Variants in TMC1 observed in about 807,000 individuals in gnomAD.
TMC1 encodes transmembrane channel-like protein 1.
A neutral mutation model predicts 105.8 loss-of-function variants in TMC1; 84 were observed. That is an observed-to-expected ratio of 0.79 (90% CI 0.67 to 0.95). The LOEUF is 0.95. Ranked by LOEUF, TMC1 falls within the 40% of genes least tolerant of loss-of-function variation. The pLI is 0.00. For synonymous variants in TMC1, 315 were observed against 311.5 expected (o/e 1.01, Z -0.12); for missense variants, 817 against 914.1 (o/e 0.89, Z 1.37).
At chr9:72,741,784 C>T (rs540250309) in intron 9 of TMC1, among the ~76,000 whole-genome samples, 1 of 152,330 alleles carries the variant, frequency 6.6e-6, no homozygotes, top group African/African-American at 2.4e-5. Flanking sequence ...TCTCATTCTT[C>T]CTGGTGGTCC....
intron 2 of TMC1, among the ~76,000 whole-genome samples, chr9:72,597,846 G>A (rs1403743598): frequency 1.3e-5 from 2 of 152,116 alleles, no homozygotes; most frequent in Non-Finnish European, 2.9e-5. Flanking sequence ...CCTGGCTCCT[G>A]CTTTCAGCTT....
intron 8 of TMC1, among the ~76,000 whole-genome samples, chr9:72,714,809 G>A (rs1398161198): frequency 1.3e-5 from 2 of 152,202 alleles, no homozygotes; most frequent in East Asian, 1.9e-4. Flanking sequence ...CTGCCATTAT[G>A]ATGCTGGATG....
intron 1 of TMC1, among the ~76,000 whole-genome samples, chr9:72,558,288 C>T (rs769063976): frequency 1.3e-5 from 2 of 152,148 alleles, no homozygotes; most frequent in Non-Finnish European, 2.9e-5. Flanking sequence ...CTTACTTTAC[C>T]TCAGCCCAAC....
At chr9:72,826,571 C>G (rs1828959742) in intron 20 of TMC1, among the ~76,000 whole-genome samples, 1 of 152,144 alleles carries the variant, frequency 6.6e-6, no homozygotes, top group South Asian at 2.1e-4. Context: ...GAGCTATTTA[C>G]AAAATATATT....
chr9:72,545,656 T>G (rs373837157), intron 1 of TMC1, among the ~76,000 whole-genome samples: 2 of 151,968 alleles, frequency 1.3e-5, no homozygotes, highest in African/African-American at 4.8e-5. Flanking sequence ...CCCAGCTAAG[T>G]TTTGAATTTT....
Position 72,700,571 on chromosome 9 carries a change from A to T in TMC1, c.290A>T (p.Asp97Val). ...EELERLKAEL[D>V]EKRQIIATVK... ...TTGGAAAGATTGAAGGCAGAGTTAGATGAGAAAAGACAAATAATTGCTACT... is the reference window on the plus strand; with the variant it reads ...TTGGAAAGATTGAAGGCAGAGTTAGTTGAGAAAAGACAAATAATTGCTACT... Residue 97 changes from aspartate to valine, a missense_variant, in exon 8 of 24, where the codon GAT (aspartate) becomes GTT (valine). Coordinates refer to ENST00000297784, the MANE Select transcript of TMC1 (RefSeq NM_138691.3). 6.2e-7 allele frequency: 1 copy of T among 1,607,994 alleles called. No individual in the cohort carries two copies. The highest frequency in any genetic ancestry group is 8.5e-7 in the Non-Finnish European group (1 of 1,175,870).
intron 4 of TMC1, among the ~76,000 whole-genome samples, chr9:72,647,070 A>T (rs1825725874): frequency 6.9e-6 from 1 of 145,752 alleles, no homozygotes; most frequent in Non-Finnish European, 1.5e-5. Flanking sequence ...TGAACCCAGG[A>T]GGTGGAGGTT....
At chr9:72,540,493 C>T (rs952820021) in intron 1 of TMC1, among the ~76,000 whole-genome samples, 2 of 121,492 alleles carry the variant, frequency 1.6e-5, no homozygotes, top group East Asian at 2.3e-4. Flanking sequence ...TGACTTTCCT[C>T]GTTCTGACTT....
intron 1 of TMC1, among the ~76,000 whole-genome samples, chr9:72,573,741 C>A (rs555192255): frequency 6.6e-6 from 1 of 152,226 alleles, no homozygotes; most frequent in East Asian, 1.9e-4. Flanking sequence ...GCATTTATGT[C>A]AAATGTTTTC....
chr9:72,786,574 A>G (rs866533706), intron 13 of TMC1, among the ~76,000 whole-genome samples: 7 of 152,208 alleles, frequency 4.6e-5, no homozygotes, highest in African/African-American at 1.7e-4. Flanking sequence ...CTTCTCAGAT[A>G]AGGTGGTTGA....
intron 1 of TMC1, among the ~76,000 whole-genome samples, chr9:72,554,082 A>T (rs1189877553): frequency 6.6e-6 from 1 of 152,134 alleles, no homozygotes; most frequent in Non-Finnish European, 1.5e-5. Context: ...TCTTGACTTC[A>T]TATTCTTCAA....
intron 5 of TMC1, chr9:72,651,101 C>T (rs1377204377): frequency 6.8e-6 from 1 of 146,788 alleles, no homozygotes; most frequent in African/African-American, 2.5e-5. Flanking sequence ...ATATATATAT[C>T]ACATATATAT....
intron 19 of TMC1, among the ~76,000 whole-genome samples, 197 bp from the exon 20 acceptor site, chr9:72,820,645 T>C (rs1828852372): frequency 6.6e-6 from 1 of 152,204 alleles, no homozygotes; most frequent in African/African-American, 2.4e-5. Context: ...CCTACAATAA[T>C]GGGGAAAGTG....
At chr9:72,584,406 C>T (rs899432936) in intron 2 of TMC1, among the ~76,000 whole-genome samples, 17 of 152,024 alleles carry the variant, frequency 1.1e-4, no homozygotes, top group Non-Finnish European at 1.8e-4. Context: ...GCTGGGACTA[C>T]AGCTGCATGC....
At chr9:72,727,698 T>G (rs2793166) in intron 8 of TMC1, among the ~76,000 whole-genome samples, 34,317 of 151,902 alleles carry the variant, frequency 0.23, 4,164 homozygotes, top group East Asian at 0.38. Flanking sequence ...TTCATTTGTG[T>G]GTTTTAGGTC....
At chr9:72,824,475 T>C (rs183286490) in intron 20 of TMC1, among the ~76,000 whole-genome samples, 1 of 152,290 alleles carries the variant, frequency 6.6e-6, no homozygotes, top group African/African-American at 2.4e-5. Context: ...GAGAATTTTA[T>C]TGAGTAATGA....
chr9:72,747,804 C>T (rs1482914349), intron 10 of TMC1, among the ~76,000 whole-genome samples: 2 of 152,122 alleles, frequency 1.3e-5, no homozygotes, highest in Non-Finnish European at 2.9e-5. Flanking sequence ...ACATGTTGAC[C>T]AGGCAGGTCT....
chr9:72,648,665 G>T lies in TMC1; in HGVS notation c.16+1G>T, dbSNP rs1169090943. On this transcript the variant is annotated splice_donor_variant, in intron 5 of 23. Transcript: ENST00000297784. LOFTEE classifies it high-confidence loss of function. ...ACCCCCAGGATGTCACCCAAAAAAG[G>T]TATTTACAAAATCAAGACTGTCTGT... The T allele has an allele frequency of 6.2e-7, 1 of 1,612,934 alleles. No homozygotes were observed. The highest frequency in any genetic ancestry group is 8.5e-7 in the Non-Finnish European group (1 of 1,178,982).
At chr9:72,551,951 T>A (rs1485026328) in intron 1 of TMC1, among the ~76,000 whole-genome samples, 1 of 152,110 alleles carries the variant, frequency 6.6e-6, no homozygotes, top group African/African-American at 2.4e-5. Context: ...TGGCACAGAT[T>A]GTCTCTGAGA....
Sources: gnomAD v4.1 joint callset for allele counts (sites outside exome capture counted in the v4.1 genomes callset) on GRCh38, gnomAD v4.1.1 for gene constraint, MANE v1.5 for transcripts, NCBI Gene and HGNC (gene_info 2026-07-23, HGNC 2026-07-21) for gene names.